PAIP2B: variants seen among roughly 807,000 people sequenced by gnomAD.
PAIP2B encodes poly(A) binding protein interacting protein 2B, also known as polyadenylate-binding protein-interacting protein 2B.
PAIP2B carries 13 observed loss-of-function variants against 17.0 expected under a neutral mutation model. That is an observed-to-expected ratio of 0.76 (90% CI 0.50 to 1.22). The LOEUF is 1.22. PAIP2B is among the 50% of genes most tolerant of loss of function. The probability of loss-of-function intolerance (pLI) is 0.00; values close to 1 mark genes in which losing one functional copy is unlikely to be tolerated. For missense variants in PAIP2B, 117 were observed against 144.5 expected, an observed-to-expected ratio of 0.81 and a Z score of 0.98; for synonymous variants, 43 against 48.7, an observed-to-expected ratio of 0.88 and a Z score of 0.48.
chr2:71,209,614 A>AGCAG (rs1422083541), intron 1 of PAIP2B, among the ~76,000 whole-genome samples: 34 of 152,282 alleles, frequency 2.2e-4, no homozygotes, highest in Admixed American at 1.2e-3. Flanking sequence ...CTTCCCTGGT[A>AGCAG]GCAGGAATGC....
At chr2:71,208,316 C>T (rs937360694) in intron 1 of PAIP2B, among the ~76,000 whole-genome samples, 14 of 151,892 alleles carry the variant, frequency 9.2e-5, no homozygotes, top group Non-Finnish European at 1.6e-4. Context: ...CCCAGCTACT[C>T]GGAGGCTGAG....
At chr2:71,219,879 T>A (rs182663480) in intron 1 of PAIP2B, among the ~76,000 whole-genome samples, 46 of 152,344 alleles carry the variant, frequency 3.0e-4, no homozygotes, top group African/African-American at 9.6e-4. Flanking sequence ...ATATTCTTAC[T>A]CTACTCTTCT....
chr2:71,212,452 G>T (rs549672447), intron 1 of PAIP2B, among the ~76,000 whole-genome samples: 11 of 152,106 alleles, frequency 7.2e-5, no homozygotes, highest in Non-Finnish European at 1.2e-4. Flanking sequence ...TTTTTAGAAC[G>T]CTGTATTCTA....
At chr2:71,196,688 G>C (rs932034738) in intron 2 of PAIP2B, among the ~76,000 whole-genome samples, 3 of 152,044 alleles carry the variant, frequency 2.0e-5, no homozygotes, top group African/African-American at 7.2e-5. Context: ...TTATGAATCT[G>C]GGTGCTCCTA....
chr2:71,218,391 G>T (rs983369350), intron 1 of PAIP2B, among the ~76,000 whole-genome samples: 10 of 151,460 alleles, frequency 6.6e-5, no homozygotes, highest in African/African-American at 2.4e-4. Flanking sequence ...CTTCCCACAA[G>T]AATAAAAATG....
chr2:71,213,652 T>C (rs2103811829), intron 1 of PAIP2B, among the ~76,000 whole-genome samples: 1 of 152,348 alleles, frequency 6.6e-6, no homozygotes, highest in Non-Finnish European at 1.5e-5. Context: ...TTCAGGAGTC[T>C]GTGGATTTTT....
In PAIP2B at chr2:71,202,625, A is replaced by G. The variant is rs749005966; in HGVS notation, c.-11-25T>C. ...CCTAAAGAGAAGCAAAAGAAAAGAT[A>G]AAATGAATATAAGGATAAAGGAAAT... On this transcript the variant is annotated intron_variant, in intron 1 of 3. Coordinates refer to ENST00000244221, the MANE Select transcript of PAIP2B (RefSeq NM_020459.1). The G allele has an allele frequency of 1.9e-6, 3 of 1,575,438 alleles. No homozygotes were observed. The African/African-American group carries it at 4.1e-5, about 21-fold the overall frequency.
At chr2:71,219,370 C>T (rs1210407462) in intron 1 of PAIP2B, among the ~76,000 whole-genome samples, 1 of 152,012 alleles carries the variant, frequency 6.6e-6, no homozygotes, top group Non-Finnish European at 1.5e-5. Flanking sequence ...CCCATGTAGG[C>T]TAGAGAGCTT....
chr2:71,205,071 A>T (rs1250470759), intron 1 of PAIP2B, among the ~76,000 whole-genome samples: 1 of 152,194 alleles, frequency 6.6e-6, no homozygotes, highest in Non-Finnish European at 1.5e-5. Context: ...AAGAAAAAAA[A>T]AACCCTTCTA....
intron 2 of PAIP2B, among the ~76,000 whole-genome samples, chr2:71,193,847 A>AC (rs1177856420): frequency 1.3e-5 from 2 of 152,142 alleles, no homozygotes; most frequent in African/African-American, 4.8e-5. Flanking sequence ...AAAAAAAAAA[A>AC]AAGTTTTGGG....
At chr2:71,194,477 GT>G (rs1674766419) in intron 2 of PAIP2B, among the ~76,000 whole-genome samples, 1 of 151,732 alleles carries the variant, frequency 6.6e-6, no homozygotes, top group East Asian at 1.9e-4. Flanking sequence ...GTGTGTGTGT[GT>G]GTGTGTGTGT....
At position 71,193,353 on chromosome 2, in the gene PAIP2B, A is replaced by G. The variant is rs757174764; in HGVS notation, c.139-3332T>C. 8.5e-4 allele frequency among the ~76,000 whole-genome samples: 130 copies of G among 152,204 alleles called. 1 individual carries two copies. Among genetic ancestry groups the G allele is most frequent in the Non-Finnish European group, 1.9e-4 (13 of 68,044 alleles). On this transcript the variant is annotated intron_variant, in intron 2 of 3. Transcript: ENST00000244221. Reference sequence around the variant, plus strand: ...GATATCAGACCTTTGTCATATGCATAGTATGCAAATATTTCCTCCCTTTCT... The same window carrying G: ...GATATCAGACCTTTGTCATATGCATGGTATGCAAATATTTCCTCCCTTTCT...
intron 2 of PAIP2B, among the ~76,000 whole-genome samples, chr2:71,201,638 C>T (rs1019071077): frequency 6.6e-6 from 1 of 152,176 alleles, no homozygotes; most frequent in East Asian, 1.9e-4. Context: ...ACCTTGGCCT[C>T]CCAAAGTGCT....
chr2:71,202,503 G>T lies in PAIP2B; in HGVS notation c.87C>A (p.Asn29Lys). The change falls in exon 2 of 4, where the codon AAC (asparagine) becomes AAA (lysine). Residue 29 changes from asparagine (N) to lysine (K), a missense_variant. Transcript: ENST00000244221. ...CCATCCACATGTACTCTGCAAATGG[G>T]TTTTCCTTTTCATCGTGCCCACTTA... ...QGLSGHDEKENPFAEYMWMEN... is the reference protein window; with the variant it reads ...QGLSGHDEKEKPFAEYMWMEN... 6.2e-7 allele frequency: 1 copy of T among 1,613,846 alleles called. No individual in the cohort carries two copies. Among genetic ancestry groups the T allele is most frequent in the South Asian group, 1.1e-5 (1 of 91,062 alleles).
intron 1 of PAIP2B, among the ~76,000 whole-genome samples, chr2:71,206,994 C>A (rs898352845): frequency 6.6e-6 from 1 of 152,174 alleles, no homozygotes; most frequent in African/African-American, 2.4e-5. Context: ...CAACTAAGAT[C>A]ATTAAATCTA....
intron 1 of PAIP2B, among the ~76,000 whole-genome samples, chr2:71,210,379 C>T (rs1264660590): frequency 6.6e-6 from 1 of 152,156 alleles, no homozygotes; most frequent in Admixed American, 6.6e-5. Flanking sequence ...CCATGTACTT[C>T]CATTTCATTT....
At chr2:71,199,280 T>C (rs1483474942) in intron 2 of PAIP2B, among the ~76,000 whole-genome samples, 2 of 152,090 alleles carry the variant, frequency 1.3e-5, no homozygotes, top group African/African-American at 4.8e-5. Flanking sequence ...GAAAACCAAA[T>C]TGGAAGGGAA....
At chr2:71,190,798 C>T (rs563206069) in intron 2 of PAIP2B, among the ~76,000 whole-genome samples, 1 of 152,284 alleles carries the variant, frequency 6.6e-6, no homozygotes, top group South Asian at 2.1e-4. Flanking sequence ...AAAATCAAAG[C>T]CAATGCTCTC....
intron 1 of PAIP2B, among the ~76,000 whole-genome samples, chr2:71,226,492 C>T (rs1043444434): frequency 6.6e-6 from 1 of 152,156 alleles, no homozygotes; most frequent in Non-Finnish European, 1.5e-5. Flanking sequence ...AAGGGCACGA[C>T]GCGCAATCCC....
Sources: gnomAD v4.1 joint callset for allele counts (sites outside exome capture counted in the v4.1 genomes callset) on GRCh38, gnomAD v4.1.1 for gene constraint, MANE v1.5 for transcripts, NCBI Gene and HGNC (gene_info 2026-07-23, HGNC 2026-07-21) for gene names.